TENM1: variants seen among roughly 807,000 people sequenced by gnomAD.
TENM1 encodes teneurin transmembrane protein 1, also known as teneurin-1.
In TENM1, 35 loss-of-function variants were observed where a neutral mutation model predicts 174.8. The observed-to-expected ratio is 0.20, with a 90% confidence interval of 0.15 to 0.27. TENM1 has a LOEUF of 0.27. TENM1 is among the 10% of genes least tolerant of loss of function. The pLI is 1.00. For missense variants in TENM1, 1,633 were observed against 2,130.1 expected (o/e 0.77, Z 4.59); for synonymous variants, 781 against 798.7 (o/e 0.98, Z 0.37).
At chrX:124,581,763 G>A (rs994673118) in intron 11 of TENM1, among the ~76,000 whole-genome samples, 5 of 111,228 alleles carry the variant, frequency 4.5e-5, no homozygotes, top group African/African-American at 1.6e-4. Flanking sequence ...ATCTCACTGT[G>A]GTTTTGATTT....
chrX:124,957,822 A>T (rs1179846532), intron 1 of TENM1, among the ~76,000 whole-genome samples: 1 of 111,004 alleles, frequency 9.0e-6, no homozygotes, highest in Non-Finnish European at 1.9e-5. Flanking sequence ...TCCTCAACAT[A>T]CCTCCTTTTT....
intron 23 of TENM1, among the ~76,000 whole-genome samples, chrX:124,432,175 G>A (rs1254488321): frequency 9.0e-6 from 1 of 111,493 alleles, no homozygotes; most frequent in East Asian, 2.8e-4. Context: ...ATCAATAAGG[G>A]CCATCGCTCT....
At chrX:124,710,242 T>TG (rs2148502869) in intron 4 of TENM1, among the ~76,000 whole-genome samples, 1 of 110,743 alleles carries the variant, frequency 9.0e-6, no homozygotes, top group South Asian at 3.9e-4. Flanking sequence ...TCCTGCCCTG[T>TG]GGTTACTTTG....
chrX:125,137,054 T>C, the TENM1 span, among the ~76,000 whole-genome samples: 3 of 111,419 alleles, frequency 2.7e-5, no homozygotes, highest in Non-Finnish European at 5.7e-5. Flanking sequence ...AAATGAGCAA[T>C]GTGGCTGAGG....
At chrX:124,667,628 C>A (rs1224392335) in intron 6 of TENM1, among the ~76,000 whole-genome samples, 3 of 108,996 alleles carry the variant, frequency 2.8e-5, no homozygotes, top group African/African-American at 1.0e-4. Context: ...TTGTAAGACT[C>A]TAATGTAGTG....
At chrX:124,641,847 A>C (rs756299085) in exon 11 of TENM1, 1 of 1,211,998 alleles carries the variant, frequency 8.3e-7, no homozygotes, top group South Asian at 1.8e-5. Context: ...TCCAGCGTCC[A>C]GAAGAAAAGT....
the TENM1 span, among the ~76,000 whole-genome samples, chrX:125,191,856 C>A: frequency 4.0e-4 from 44 of 111,178 alleles, no homozygotes; most frequent in Non-Finnish European, 8.3e-4. Flanking sequence ...GAGGCAGGAC[C>A]TTTTGGGAAG....
chrX:124,597,383 T>C (rs1037439898), intron 11 of TENM1, among the ~76,000 whole-genome samples: 2 of 111,900 alleles, frequency 1.8e-5, no homozygotes, highest in African/African-American at 3.2e-5. Context: ...GCAACCTGGA[T>C]GGAGGTGGAG....
At chrX:125,100,160 GTATGTA>G in the TENM1 span, among the ~76,000 whole-genome samples, 2 of 111,858 alleles carry the variant, frequency 1.8e-5, no homozygotes, top group African/African-American at 3.2e-5. Flanking sequence ...GTATGTATGT[GTATGTA>G]TATCTAGATT....
chrX:124,491,299 G>GGGCACA (rs2047060796), intron 20 of TENM1, among the ~76,000 whole-genome samples: 1 of 111,658 alleles, frequency 9.0e-6, no homozygotes, highest in East Asian at 2.8e-4. Context: ...TTTTGGACCT[G>GGGCACA]ATACCCTCAT....
chrX:124,997,980 C>T, the TENM1 span, among the ~76,000 whole-genome samples: 3 of 108,726 alleles, frequency 2.8e-5, no homozygotes, highest in Admixed American at 2.0e-4. Flanking sequence ...TTAACAACAT[C>T]AGTTGTCCAT....
At chrX:124,999,295 C>T in the TENM1 span, among the ~76,000 whole-genome samples, 11 of 110,456 alleles carry the variant, frequency 1.0e-4, no homozygotes, top group Middle Eastern at 4.7e-3. Context: ...ATATGAGATA[C>T]GCAAGCACAG....
intron 1 of TENM1, among the ~76,000 whole-genome samples, chrX:124,959,120 A>G (rs2058619100): frequency 8.9e-6 from 1 of 111,750 alleles, no homozygotes; most frequent in Non-Finnish European, 1.9e-5. Flanking sequence ...CTACTGACAT[A>G]CATTTGCAAA....
At chrX:125,047,989 T>C in the TENM1 span, among the ~76,000 whole-genome samples, 2 of 111,331 alleles carry the variant, frequency 1.8e-5, no homozygotes, top group Non-Finnish European at 3.8e-5. Flanking sequence ...GAAAGGTTTC[T>C]AGCAAAGCCA....
intron 5 of TENM1, among the ~76,000 whole-genome samples, chrX:124,672,167 A>G (rs774462752): frequency 1.8e-5 from 2 of 111,547 alleles, no homozygotes; most frequent in African/African-American, 6.5e-5. Flanking sequence ...TAGTCATGTA[A>G]CACTAGTTTC....
chrX:124,786,484 G>A (rs768904501), intron 3 of TENM1, among the ~76,000 whole-genome samples: 3 of 111,809 alleles, frequency 2.7e-5, no homozygotes, highest in Non-Finnish European at 5.7e-5. Flanking sequence ...GGAGGACTGC[G>A]TGGTCAACTT....
chrX:124,951,662 AT>A (rs774384208), intron 1 of TENM1, among the ~76,000 whole-genome samples: 2,413 of 62,124 alleles, frequency 0.039, 53 homozygotes, highest in African/African-American at 0.067. Context: ...ATATATATAT[AT>A]ATATATATAT....
chrX:124,755,494 A>G (rs2054208283), intron 3 of TENM1, among the ~76,000 whole-genome samples: 2 of 110,583 alleles, frequency 1.8e-5, no homozygotes, highest in African/African-American at 3.3e-5. Context: ...TTACATTTAA[A>G]GTTAATATTG....
exon 1 of TENM1, chrX:124,963,674 G>A (rs750991195): frequency 2.5e-6 from 3 of 1,211,598 alleles, no homozygotes; most frequent in Non-Finnish European, 3.4e-6. Flanking sequence ...ACTCTCATCA[G>A]AAGAACTGGT....
Sources: gnomAD v4.1 joint callset for allele counts (sites outside exome capture counted in the v4.1 genomes callset) on GRCh38, gnomAD v4.1.1 for gene constraint, MANE v1.5 for transcripts, NCBI Gene and HGNC (gene_info 2026-07-23, HGNC 2026-07-21) for gene names.